DUS2: variants seen among roughly 807,000 people sequenced by gnomAD.
The protein encoded by DUS2 is dihydrouridine synthase 2, also known as tRNA-dihydrouridine(20) synthase [NAD(P)+]-like.
Under a neutral mutation model 71.3 loss-of-function variants are expected in DUS2, and 52 were observed. The observed-to-expected ratio is 0.73, with a 90% CI of 0.58 to 0.92. The LOEUF (loss-of-function observed/expected upper bound fraction) is 0.92, where lower values mean the gene tolerates loss of function less well. Ranked by LOEUF, DUS2 falls within the 40% of genes least tolerant of loss-of-function variation. The probability of loss-of-function intolerance (pLI) is 0.00; values close to 1 mark genes in which losing one functional copy is unlikely to be tolerated. For missense variants in DUS2, 558 were observed against 622.6 expected, an observed-to-expected ratio of 0.90 and a Z score of 1.10; for synonymous variants, 204 against 227.8, an observed-to-expected ratio of 0.90 and a Z score of 0.94.
chr16:68,035,884 TTATATATATATATATATATA>T (rs71145987), intron 2 of DUS2, among the ~76,000 whole-genome samples: 22 of 113,318 alleles, frequency 1.9e-4, no homozygotes, highest in African/African-American at 3.6e-4. Context: ...CCCGCTAATT[TTATATATATATATATATATA>T]TATATATATA....
chr16:68,070,002 GA>G, intron 10 of DUS2, 131 bp from the exon 11 acceptor site: 1 of 733,836 alleles, frequency 1.4e-6, no homozygotes, highest in Non-Finnish European at 2.4e-6. Flanking sequence ...ACCTGTCCTT[GA>G]TTGCCATATG....
chr16:68,066,238 G>T, intron 8 of DUS2, 79 bp from the exon 9 acceptor site: 2 of 1,313,444 alleles, frequency 1.5e-6, no homozygotes, highest in Non-Finnish European at 2.2e-6. Context: ...TGCACAGCCT[G>T]TAGCGGAGTT....
intron 8 of DUS2, 26 bp downstream of exon 8, chr16:68,061,139 G>T (rs1250711421): frequency 6.2e-7 from 1 of 1,613,058 alleles, no homozygotes; most frequent in Non-Finnish European, 8.5e-7. Context: ...GTGAAAGCAG[G>T]GGTCCTCAAA....
intron 16 of DUS2, 97 bp downstream of exon 16, chr16:68,078,615 T>C (rs966009056): frequency 2.9e-5 from 43 of 1,498,372 alleles, no homozygotes; most frequent in Non-Finnish European, 3.8e-5. Context: ...GTTGGGTAGA[T>C]GGTATATGTG....
Position 68,078,759 on chromosome 16 carries a change from A to G in DUS2, c.1255A>G (p.Lys419Glu), listed in dbSNP as rs1598322608. Reference protein sequence around the residue: ...KYQSTLWDKSKKLAEQAAAIV... With the variant: ...KYQSTLWDKSEKLAEQAAAIV... ...CCTCTGTCTGCTCAGGGACAAGTCC[A>G]AGAAACTGGCGGAGCAGGCTGCAGC... Residue 419 changes from lysine (K) to glutamate (E), a missense_variant, in exon 17 of 17, where the codon AAG becomes GAG. Physicochemically the swap from Lys to Glu is moderately conservative, Grantham distance 56. Transcript: ENST00000565263. 4.4e-6 allele frequency: 7 copies of G among 1,608,006 alleles called. No individual in the cohort carries two copies. The highest frequency in any genetic ancestry group is 2.2e-5 in the East Asian group (1 of 44,702).
intron 12 of DUS2, among the ~76,000 whole-genome samples, chr16:68,072,865 T>C (rs2034107234): frequency 6.6e-6 from 1 of 152,192 alleles, no homozygotes; most frequent in African/African-American, 2.4e-5. Flanking sequence ...GGAGTGATGG[T>C]GACAGTTGCA....
Position 68,023,499 on chromosome 16 carries a change from G to T in DUS2, c.-99+148G>T, listed in dbSNP as rs567983097. 27 of 425,250 alleles carry T rather than the reference G, an allele frequency of 6.3e-5. No homozygotes were observed. The Admixed American group carries it at 7.6e-4, about 12-fold the overall frequency. 26.3% of individuals were successfully genotyped at this position (425,250 alleles called of 1,614,324 possible). ...ACCATGAGGGCGGAGGGCTTCTGGC[G>T]ATTGGTTACCTGGTTCCTGGGATTC... On this transcript the variant is annotated intron_variant, in intron 1 of 16. Coordinates refer to ENST00000565263, the MANE Select transcript of DUS2 (RefSeq NM_017803.5).
intron 15 of DUS2, chr16:68,078,028 C>T (rs918810775): frequency 1.3e-5 from 3 of 232,284 alleles, no homozygotes; most frequent in Admixed American, 5.1e-5. Flanking sequence ...CCATGTGCCT[C>T]GCTCCTTCCA....
At chr16:68,070,874 AC>A in intron 11 of DUS2, 65 bp from the exon 12 acceptor site, 1 of 1,573,376 alleles carries the variant, frequency 6.4e-7, no homozygotes, top group Non-Finnish European at 8.7e-7. Context: ...CTGAGAGCTG[AC>A]TTTTTCTGAA....
At chr16:68,047,473 T>C (rs1432516394) in intron 3 of DUS2, among the ~76,000 whole-genome samples, 1 of 152,060 alleles carries the variant, frequency 6.6e-6, no homozygotes, top group African/African-American at 2.4e-5. Flanking sequence ...GTTGTTGTTG[T>C]TGTTGTTGTC....
intron 7 of DUS2, among the ~76,000 whole-genome samples, chr16:68,060,397 T>G (rs572048954): frequency 6.6e-6 from 1 of 151,348 alleles, no homozygotes; most frequent in East Asian, 2.0e-4. Flanking sequence ...CACTGCAACC[T>G]CCACCTCCTG....
At chr16:68,068,674 C>T (rs1304195738) in intron 10 of DUS2, among the ~76,000 whole-genome samples, 39 of 145,406 alleles carry the variant, frequency 2.7e-4, no homozygotes, top group African/African-American at 6.9e-4. Flanking sequence ...CTGCAACCTT[C>T]GCCTCCTGGG....
chr16:68,031,818 C>T (rs1312049543), intron 2 of DUS2, among the ~76,000 whole-genome samples: 1 of 152,112 alleles, frequency 6.6e-6, no homozygotes. Flanking sequence ...CTTCAGCCTC[C>T]CGAGTAGCTG....
chr16:68,047,244 T>A (rs1350982557), intron 3 of DUS2, among the ~76,000 whole-genome samples: 5 of 145,464 alleles, frequency 3.4e-5, no homozygotes, highest in Non-Finnish European at 7.6e-5. Context: ...TTAGTAGAGA[T>A]GGAGTTTCAC....
At chr16:68,060,475 G>A (rs1395615304) in intron 7 of DUS2, among the ~76,000 whole-genome samples, 1 of 151,932 alleles carries the variant, frequency 6.6e-6, no homozygotes. Flanking sequence ...CTCCATGCTC[G>A]GCTAATTTTT....
At chr16:68,072,326 C>T (rs2034098885) in intron 12 of DUS2, among the ~76,000 whole-genome samples, 1 of 152,232 alleles carries the variant, frequency 6.6e-6, no homozygotes, top group Admixed American at 6.5e-5. Context: ...TCTGGGATAG[C>T]TCCATGGCAA....
chr16:68,030,450 C>T (rs937256298), intron 2 of DUS2, among the ~76,000 whole-genome samples: 5 of 151,980 alleles, frequency 3.3e-5, no homozygotes, highest in African/African-American at 9.6e-5. Context: ...AAAAATTGGC[C>T]GGGCATGGTG....
At chr16:68,045,282 T>C (rs1473605148) in intron 3 of DUS2, among the ~76,000 whole-genome samples, 1 of 151,834 alleles carries the variant, frequency 6.6e-6, no homozygotes, top group East Asian at 1.9e-4. Flanking sequence ...TATGTATGGG[T>C]GGGGGAAACT....
chr16:68,073,017 G>T (rs2034109192), intron 12 of DUS2, among the ~76,000 whole-genome samples: 1 of 152,206 alleles, frequency 6.6e-6, no homozygotes, highest in Admixed American at 6.5e-5. Context: ...AGGAATAGAA[G>T]AATCTCACCC....
Sources: gnomAD v4.1 joint callset for allele counts (sites outside exome capture counted in the v4.1 genomes callset) on GRCh38, gnomAD v4.1.1 for gene constraint, MANE v1.5 for transcripts, NCBI Gene and HGNC (gene_info 2026-07-23, HGNC 2026-07-21) for gene names.